DGKB: variants seen among roughly 807,000 people sequenced by gnomAD.
DGKB encodes the protein diacylglycerol kinase beta.
In DGKB, 67 loss-of-function variants were observed where a neutral mutation model predicts 114.3. The ratio of observed to expected loss-of-function variants is 0.59; its 90% confidence interval spans 0.48 to 0.72. The LOEUF is 0.72. Among genes scored for constraint, DGKB ranks in the 30% least tolerant of loss-of-function variants. The pLI is 0.00. For synonymous variants in DGKB, 398 were observed against 323.1 expected (o/e 1.23, Z -2.49); for missense variants, 907 against 975.2 (o/e 0.93, Z 0.93).
At chr7:14,360,855 C>A (rs1815594997) in intron 21 of DGKB, among the ~76,000 whole-genome samples, 1 of 151,930 alleles carries the variant, frequency 6.6e-6, no homozygotes, top group Admixed American at 6.6e-5. Context: ...ACTGAAAGGC[C>A]AGTTAATACT....
intron 20 of DGKB, among the ~76,000 whole-genome samples, chr7:14,549,941 A>T (rs1584747706): frequency 6.6e-6 from 1 of 152,018 alleles, no homozygotes; most frequent in Admixed American, 6.6e-5. Context: ...GTGAGCCAAG[A>T]TCACGCCACT....
At chr7:14,689,209 T>TTTTTTTTTTA (rs1822331157) in intron 9 of DGKB, among the ~76,000 whole-genome samples, 4 of 123,786 alleles carry the variant, frequency 3.2e-5, no homozygotes, top group African/African-American at 3.1e-5. Flanking sequence ...ATTTTTTTTT[T>TTTTTTTTTTA]TTTTTTTTTT....
chr7:14,879,117 A>T (rs1853821008), intron 1 of DGKB, among the ~76,000 whole-genome samples: 1 of 151,968 alleles, frequency 6.6e-6, no homozygotes, highest in Non-Finnish European at 1.5e-5. Flanking sequence ...TTGTTTTAGC[A>T]AAGAACTAAT....
rs148922303 is a variant in DGKB, at chr7:14,793,291, T to C, written c.71-35560A>G. Among the ~76,000 whole-genome samples the C allele has an allele frequency of 2.4e-3, 366 of 152,224 alleles. 1 individual carries two copies. The highest frequency in any genetic ancestry group is 8.2e-3 in the African/African-American group (341 of 41,546). On this transcript the variant is annotated intron_variant, in intron 2 of 25. Coordinates refer to ENST00000402815, the MANE Select transcript of DGKB (RefSeq NM_001350709.2). The stretch of plus-strand genomic sequence containing the variant: ...AATTGTTTAGATTCAGAAAAGACAA[T>C]GGTTGAATTGCTCCCCCGCCAATCC...
At chr7:14,385,455 C>G (rs1820176753) in intron 21 of DGKB, among the ~76,000 whole-genome samples, 1 of 152,178 alleles carries the variant, frequency 6.6e-6, no homozygotes, top group South Asian at 2.1e-4. Flanking sequence ...ATCTTCTAAA[C>G]AGTTTTTCAT....
intron 13 of DGKB, among the ~76,000 whole-genome samples, chr7:14,652,315 G>A (rs545587483): frequency 1.3e-5 from 2 of 152,214 alleles, no homozygotes; most frequent in Non-Finnish European, 2.9e-5. Flanking sequence ...TAGATTAATG[G>A]AACAGAACAG....
intron 13 of DGKB, among the ~76,000 whole-genome samples, chr7:14,657,573 C>G (rs913444214): frequency 6.6e-6 from 1 of 151,768 alleles, no homozygotes; most frequent in Admixed American, 6.6e-5. Context: ...AAATAGATGA[C>G]TTCAGTAACT....
chr7:14,910,095 C>T (rs1454695354), intron 1 of DGKB, among the ~76,000 whole-genome samples: 1 of 151,644 alleles, frequency 6.6e-6, no homozygotes, highest in Non-Finnish European at 1.5e-5. Flanking sequence ...GTAGTCTCAA[C>T]TAATTGGGAC....
chr7:14,368,395 G>C (rs62444592), intron 21 of DGKB, among the ~76,000 whole-genome samples: 2 of 152,074 alleles, frequency 1.3e-5, no homozygotes, highest in Non-Finnish European at 2.9e-5. Context: ...TTTTTTTAGG[G>C]TGATTTTATG....
chr7:14,282,819 A>C (rs547456199), intron 23 of DGKB, among the ~76,000 whole-genome samples: 1 of 152,308 alleles, frequency 6.6e-6, no homozygotes, highest in East Asian at 1.9e-4. Flanking sequence ...ACAACCTTTC[A>C]TGCTAAAAAC....
chr7:14,359,937 C>T (rs866747492), intron 21 of DGKB, among the ~76,000 whole-genome samples: 1 of 152,000 alleles, frequency 6.6e-6, no homozygotes, highest in African/African-American at 2.4e-5. Flanking sequence ...CTAGAAATAC[C>T]GTTTGATGCA....
intron 21 of DGKB, among the ~76,000 whole-genome samples, chr7:14,397,240 C>T (rs917761043): frequency 6.6e-6 from 1 of 152,108 alleles, no homozygotes; most frequent in African/African-American, 2.4e-5. Flanking sequence ...ATACCAGTTT[C>T]ACTAGTACAA....
At chr7:14,919,095 A>C (rs10238053) in intron 1 of DGKB, among the ~76,000 whole-genome samples, 20,185 of 114,028 alleles carry the variant, frequency 0.18, 1,952 homozygotes, top group African/African-American at 0.27. Flanking sequence ...CACACACACA[A>C]ACACACACAC....
chr7:14,384,454 C>A (rs904867927), intron 21 of DGKB, among the ~76,000 whole-genome samples: 2 of 151,994 alleles, frequency 1.3e-5, no homozygotes, highest in African/African-American at 4.8e-5. Flanking sequence ...TATTAGATAC[C>A]CCCACCACTA....
intron 1 of DGKB, among the ~76,000 whole-genome samples, chr7:14,936,379 A>G (rs1370346128): frequency 1.6e-4 from 25 of 152,182 alleles, no homozygotes; most frequent in Admixed American, 1.6e-3. Context: ...TGGGAGGTAC[A>G]TAATTTCCTT....
chr7:14,362,732 G>T (rs573799936), intron 21 of DGKB, among the ~76,000 whole-genome samples: 1 of 152,068 alleles, frequency 6.6e-6, no homozygotes, highest in Non-Finnish European at 1.5e-5. Flanking sequence ...CAATTACATT[G>T]ATATTATTAT....
intron 21 of DGKB, among the ~76,000 whole-genome samples, chr7:14,460,472 A>C (rs1832918511): frequency 6.6e-6 from 1 of 152,156 alleles, no homozygotes; most frequent in African/African-American, 2.4e-5. Context: ...CTGATAAAAC[A>C]GACTTTAAAT....
rs368653476 is a variant in DGKB, at chr7:14,450,872, AG to A, written c.1835+27288del. Among the ~76,000 whole-genome samples the A allele has an allele frequency of 3.9e-4, 60 of 152,164 alleles. No individual in the cohort carries two copies. In the East Asian group the frequency reaches 0.01, roughly 26 times the overall value. ...ACAATGTGGACTCAAAAATGCTGAG[AG>A]AATGAACTAGGAGGAAACAGAGGTC... On this transcript the variant is annotated intron_variant, in intron 21 of 25. Coordinates refer to ENST00000402815, the MANE Select transcript of DGKB (RefSeq NM_001350709.2).
intron 25 of DGKB, among the ~76,000 whole-genome samples, chr7:14,163,665 T>A (rs540626569): frequency 1.4e-4 from 21 of 152,182 alleles, no homozygotes; most frequent in South Asian, 8.3e-4. Flanking sequence ...ACTATTAATT[T>A]TCTCTCTTCA....
Sources: gnomAD v4.1 joint callset for allele counts (sites outside exome capture counted in the v4.1 genomes callset) on GRCh38, gnomAD v4.1.1 for gene constraint, MANE v1.5 for transcripts, NCBI Gene and HGNC (gene_info 2026-07-23, HGNC 2026-07-21) for gene names.